Variants in GALNT18 observed in about 807,000 individuals in gnomAD.
GALNT18 encodes the protein GalNAc-transferase 18.
A neutral mutation model predicts 69.5 loss-of-function variants in GALNT18; 44 were observed. That is an observed-to-expected ratio of 0.63 (90% confidence interval 0.50 to 0.81). The LOEUF is 0.81. GALNT18 is among the 40% of genes least tolerant of loss of function. The pLI is 0.00. For synonymous variants in GALNT18, 364 were observed against 318.2 expected, an observed-to-expected ratio of 1.14 and a Z score of -1.53; for missense variants, 715 against 810.0, an observed-to-expected ratio of 0.88 and a Z score of 1.42.
At chr11:11,285,362 T>TGG in intron 10 of GALNT18, among the ~76,000 whole-genome samples, 1 of 152,142 alleles carries the variant, frequency 6.6e-6, no homozygotes, top group Non-Finnish European at 1.5e-5. Flanking sequence ...AGCGCTATCA[T>TGG]AGGGATTAAG....
At chr11:11,450,149 G>A (rs1403229811) in intron 1 of GALNT18, among the ~76,000 whole-genome samples, 1 of 152,226 alleles carries the variant, frequency 6.6e-6, no homozygotes, top group Non-Finnish European at 1.5e-5. Context: ...GGAGCCAGGA[G>A]CCTGGAATGA....
intron 1 of GALNT18, among the ~76,000 whole-genome samples, chr11:11,527,236 A>C (rs944190872): frequency 6.6e-6 from 1 of 152,190 alleles, no homozygotes; most frequent in Non-Finnish European, 1.5e-5. Context: ...CTGCTTCTAC[A>C]GTAGCTTTTC....
In GALNT18 at chr11:11,582,295, G is replaced by T. The variant is rs1472786155; in HGVS notation, c.235+39064C>A. 6.6e-6 allele frequency among the ~76,000 whole-genome samples: 1 copy of T among 152,218 alleles called. No individual in the cohort carries two copies. The highest frequency in any genetic ancestry group is 1.5e-5 in the Non-Finnish European group (1 of 68,036). On this transcript the variant is annotated intron_variant, in intron 1 of 10. Coordinates refer to ENST00000227756, the MANE Select transcript of GALNT18 (RefSeq NM_198516.3). The surrounding 1 kb of genome is among the most constrained non-coding windows in gnomAD (Gnocchi z 5.0). The stretch of plus-strand genomic sequence containing the variant: ...AGAGAGTGGAGGGAGAAAAGGGCAG[G>T]GAGCTGGGCATGGCCAGGAGGCAAA...
chr11:11,373,791 G>T (rs537778636), intron 5 of GALNT18, among the ~76,000 whole-genome samples: 85 of 152,334 alleles, frequency 5.6e-4, no homozygotes, highest in African/African-American at 2.0e-3. Flanking sequence ...TCTCTGCTGA[G>T]AGCCCTGCTT....
At chr11:11,452,046 G>A (rs1037893285) in intron 1 of GALNT18, among the ~76,000 whole-genome samples, 9 of 152,110 alleles carry the variant, frequency 5.9e-5, no homozygotes, top group African/African-American at 9.7e-5. Flanking sequence ...GATATGACCC[G>A]AGAATCTGAA....
rs1368808682 is a variant in GALNT18 at position 11,413,325 on chromosome 11, C to T, written c.595+19296G>A. Among the ~76,000 whole-genome samples the T allele has an allele frequency of 6.6e-6, 1 of 152,158 alleles. No homozygotes were observed. Among genetic ancestry groups the T allele is most frequent in the African/African-American group, 2.4e-5 (1 of 41,432 alleles). On this transcript the variant is annotated intron_variant, in intron 3 of 10. Transcript: ENST00000227756. This position sits in a 1 kb window ranked among gnomAD's most constrained non-coding sequence, Gnocchi z 4.7. ...GTGGCCCTGGAGGGGAAGCAATAGT[C>T]TGGCCAAACATCCCTCTGGAGGTGC...
intron 6 of GALNT18, among the ~76,000 whole-genome samples, chr11:11,351,163 G>C (rs1850393381): frequency 6.6e-6 from 1 of 152,230 alleles, no homozygotes; most frequent in African/African-American, 2.4e-5. Flanking sequence ...AGAGGCTGAG[G>C]ATGCAGGGAG....
chr11:11,575,335 C>G (rs1401631736), intron 1 of GALNT18, among the ~76,000 whole-genome samples: 1 of 152,184 alleles, frequency 6.6e-6, no homozygotes, highest in Non-Finnish European at 1.5e-5. Context: ...CCTGGCACCC[C>G]CTTCCTAACC....
At position 11,402,802 on chromosome 11, in the gene GALNT18, T is replaced by C. The variant is rs1222426224; in HGVS notation, c.596-23538A>G. Among the ~76,000 whole-genome samples, 1 of 152,174 alleles carries C rather than the reference T, an allele frequency of 6.6e-6. No homozygotes were observed. Among genetic ancestry groups the C allele is most frequent in the Non-Finnish European group, 1.5e-5 (1 of 68,026 alleles). ...GGAGGGAAATAGGAAGATATAAAAA[T>C]ACAAATGGCTTCTTGTAGTGCTGTT... On this transcript the variant is annotated intron_variant, in intron 3 of 10. Coordinates refer to ENST00000227756, the MANE Select transcript of GALNT18 (RefSeq NM_198516.3). The surrounding 1 kb of genome is among the most constrained non-coding windows in gnomAD (Gnocchi z 4.0).
At chr11:11,440,224 C>T (rs1855505195) in intron 2 of GALNT18, among the ~76,000 whole-genome samples, 1 of 152,228 alleles carries the variant, frequency 6.6e-6, no homozygotes, top group African/African-American at 2.4e-5. Context: ...GAATCATTTA[C>T]AACGTAAGCA....
Position 11,372,306 on chromosome 11 carries a change from C to G in GALNT18, c.1092+209G>C, listed in dbSNP as rs1196664222. 1.3e-5 allele frequency among the ~76,000 whole-genome samples: 2 copies of G among 152,176 alleles called. No homozygotes were observed. Among genetic ancestry groups the G allele is most frequent in the African/African-American group, 2.4e-5 (1 of 41,448 alleles). ...TTAACCTCTCCCATGCTCCCTCCCC[C>G]AGCCAAGCTGGTTCTGAAGTCCTCT... On this transcript the variant is annotated intron_variant, in intron 6 of 10. Transcript: ENST00000227756. This position sits in a 1 kb window ranked among gnomAD's most constrained non-coding sequence, Gnocchi z 4.9.
chr11:11,354,896 G>A (rs1398486060), intron 6 of GALNT18, among the ~76,000 whole-genome samples: 2 of 152,088 alleles, frequency 1.3e-5, no homozygotes, highest in Non-Finnish European at 1.5e-5. Flanking sequence ...CCTGTAACCT[G>A]TAATTCATCT....
At chr11:11,354,808 C>T (rs1850492675) in intron 6 of GALNT18, among the ~76,000 whole-genome samples, 1 of 152,242 alleles carries the variant, frequency 6.6e-6, no homozygotes, top group African/African-American at 2.4e-5. Flanking sequence ...TTACCATGTC[C>T]AAAACGAAGT....
At chr11:11,565,041 A>G (rs4910017) in intron 1 of GALNT18, among the ~76,000 whole-genome samples, 16,238 of 152,202 alleles carry the variant, frequency 0.11, 995 homozygotes, top group Admixed American at 0.15. Flanking sequence ...ACTGCTCCCA[A>G]GGGAAATTAG....
chr11:11,455,174 G>A (rs1327836280), intron 1 of GALNT18, among the ~76,000 whole-genome samples: 1 of 152,196 alleles, frequency 6.6e-6, no homozygotes, highest in African/African-American at 2.4e-5. Context: ...TATCATCTAA[G>A]CAACAAATAT....
intron 1 of GALNT18, among the ~76,000 whole-genome samples, chr11:11,498,642 A>G (rs35927477): frequency 0.021 from 3,166 of 152,296 alleles, 55 homozygotes; most frequent in South Asian, 0.038. Context: ...CTACTAAAAT[A>G]CAAAAAATCA....
chr11:11,280,401 G>A (rs542590062), intron 10 of GALNT18, among the ~76,000 whole-genome samples: 14 of 152,164 alleles, frequency 9.2e-5, no homozygotes, highest in African/African-American at 3.1e-4. Context: ...GCTCTGCTTG[G>A]CACCTCCAGG....
intron 9 of GALNT18, among the ~76,000 whole-genome samples, chr11:11,297,427 G>C (rs373792976): frequency 1.3e-5 from 2 of 152,118 alleles, no homozygotes; most frequent in Admixed American, 1.3e-4. Flanking sequence ...AAAGTCGCAC[G>C]GTTGGTGAGT....
Position 11,494,661 on chromosome 11 carries a change from T to C in GALNT18, c.236-45725A>G, listed in dbSNP as rs1170322358. Among the ~76,000 whole-genome samples, 1 of 152,226 alleles carries C rather than the reference T, an allele frequency of 6.6e-6. No homozygotes were observed. The highest frequency in any genetic ancestry group is 1.5e-5 in the Non-Finnish European group (1 of 68,038). On this transcript the variant is annotated intron_variant, in intron 1 of 10. Coordinates refer to ENST00000227756, the MANE Select transcript of GALNT18 (RefSeq NM_198516.3). This position sits in a 1 kb window ranked among gnomAD's most constrained non-coding sequence, Gnocchi z 5.7. ...TACACAGCCTCAGCCTTTTTTGCTT[T>C]TAAGTGCAGAGGATTGGGGTGGATT...
Sources: allele counts gnomAD v4.1 joint callset (sites outside exome capture counted in the v4.1 genomes callset), GRCh38; gene constraint gnomAD v4.1.1; non-coding constraint Gnocchi (gnomAD v3.1); transcripts MANE v1.5; gene names NCBI Gene and HGNC (gene_info 2026-07-23, HGNC 2026-07-21).